NAA16: variants seen among roughly 807,000 people sequenced by gnomAD.
The protein encoded by NAA16 is NARG1-like protein.
NAA16 carries 97 observed loss-of-function variants against 110.3 expected under a neutral mutation model. That is an observed-to-expected ratio of 0.88 (90% CI 0.75 to 1.04). The LOEUF is 1.04. Ranked by LOEUF, NAA16 falls within the 50% of genes least tolerant of loss-of-function variation. NAA16 has a pLI of 0.00. For synonymous variants in NAA16, 372 were observed against 330.6 expected (o/e 1.13, Z -1.36); for missense variants, 1,017 against 1,005.1 (o/e 1.01, Z -0.16).
At chr13:41,345,795 A>C in intron 9 of NAA16, among the ~76,000 whole-genome samples, 1 of 152,164 alleles carries the variant, frequency 6.6e-6, no homozygotes, top group East Asian at 1.9e-4. Context: ...GCTGGTCTTA[A>C]ATTCCTGGAC....
intron 5 of NAA16, 57 bp from the exon 6 acceptor site, chr13:41,325,641 G>GTCTGTAAC: frequency 8.3e-7 from 1 of 1,198,510 alleles, no homozygotes; most frequent in Middle Eastern, 2.7e-4. Context: ...TTAATTAAAG[G>GTCTGTAAC]TCTGTAACTG....
chr13:41,368,479 G>C (rs2043250135), intron 14 of NAA16, among the ~76,000 whole-genome samples: 1 of 152,140 alleles, frequency 6.6e-6, no homozygotes, highest in Non-Finnish European at 1.5e-5. Flanking sequence ...TTTAGTTAAT[G>C]CAACATTTAC....
chr13:41,367,537 TA>T lies in NAA16; in HGVS notation c.1639del (p.Ile547TyrfsTer20), dbSNP rs1566299420. The stretch of plus-strand genomic sequence containing the variant: ...ATGTTGACCTTTTGAGATTAGAAGA[TA>T]TACTCAGAAGACATGCCTTTTATTT... ...AYVDLLRLED[I>X]LRRHAFYFKA... On this transcript the variant is annotated frameshift_variant, in exon 14 of 20. Transcript: ENST00000379406. LOFTEE classifies it high-confidence loss of function. 15 of 1,613,222 alleles carry T rather than the reference TA, an allele frequency of 9.3e-6. No homozygotes were observed. The highest frequency in any genetic ancestry group is 1.2e-5 in the Non-Finnish European group (14 of 1,179,600).
intron 13 of NAA16, among the ~76,000 whole-genome samples, chr13:41,364,845 T>C (rs941127690): frequency 7.2e-5 from 11 of 152,208 alleles, no homozygotes; most frequent in African/African-American, 2.7e-4. Flanking sequence ...GACCTAGTTA[T>C]TATTTTTTAA....
intron 1 of NAA16, among the ~76,000 whole-genome samples, chr13:41,311,910 C>G (rs568586136): frequency 1.3e-5 from 2 of 152,362 alleles, no homozygotes; most frequent in African/African-American, 4.8e-5. Flanking sequence ...TCTGCCGCGC[C>G]GGGCTCGCAG....
intron 15 of NAA16, 122 bp from the exon 16 acceptor site, chr13:41,372,081 T>G: frequency 3.8e-6 from 3 of 790,210 alleles, no homozygotes; most frequent in Non-Finnish European, 5.3e-6. Context: ...TGTTTTCTTG[T>G]TATTTGGTTT....
chr13:41,341,902 G>T (rs1461317979), intron 9 of NAA16, among the ~76,000 whole-genome samples: 1 of 148,824 alleles, frequency 6.7e-6, no homozygotes, highest in Non-Finnish European at 1.5e-5. Context: ...CGCAATCTCT[G>T]CTCACTGCAA....
intron 3 of NAA16, among the ~76,000 whole-genome samples, chr13:41,319,631 C>T (rs563610068): frequency 2.0e-5 from 3 of 152,218 alleles, no homozygotes; most frequent in African/African-American, 7.2e-5. Context: ...ATTCTCCCAC[C>T]TCAGCCTCCC....
rs548521687 is a variant in NAA16 at position 41,372,847 on chromosome 13, A to G, written c.2155+17A>G. ...CTAAATCTGGTAAGTATAAAAAAGGACCATATTTACATTTGTGAATTATTT... is the reference window on the plus strand; with the variant it reads ...CTAAATCTGGTAAGTATAAAAAAGGGCCATATTTACATTTGTGAATTATTT... On this transcript the variant is annotated intron_variant, in intron 17 of 19. Transcript: ENST00000379406. 5.1e-5 allele frequency: 77 copies of G among 1,510,012 alleles called. No homozygotes were observed. In the South Asian group the frequency reaches 9.2e-4, roughly 18 times the overall value. The allele number at this position is 1,510,012 out of a possible 1,614,324, so 93.5% of individuals were successfully genotyped here. A position where few individuals can be genotyped will look rare whatever the true frequency, so the allele number is the denominator to read the frequency against.
At chr13:41,315,449 A>C (rs974066054) in intron 1 of NAA16, among the ~76,000 whole-genome samples, 2 of 152,214 alleles carry the variant, frequency 1.3e-5, no homozygotes, top group Non-Finnish European at 2.9e-5. Flanking sequence ...GATGTTGCTT[A>C]TCCTTGCATT....
At chr13:41,361,704 C>T (rs4942042) in intron 12 of NAA16, among the ~76,000 whole-genome samples, 144,271 of 152,296 alleles carry the variant, frequency 0.95, 68,404 homozygotes, top group South Asian at 0.99. Flanking sequence ...ATTCACGTTC[C>T]GGGTGGGATA....
chr13:41,375,282 A>C, intron 19 of NAA16, 123 bp from the exon 20 acceptor site: 1 of 635,754 alleles, frequency 1.6e-6, no homozygotes, highest in Non-Finnish European at 2.6e-6. Context: ...TGTAGATTGT[A>C]AGGCATTATT....
chr13:41,350,439 G>A (rs1284437463), intron 9 of NAA16, among the ~76,000 whole-genome samples: 13 of 150,502 alleles, frequency 8.6e-5, no homozygotes, highest in African/African-American at 2.9e-4. Flanking sequence ...GACTACAGGC[G>A]CCCGCCACCA....
Position 41,311,502 on chromosome 13 carries a change from G to C in NAA16, c.-27G>C. Reference sequence around the variant, plus strand: ...CGCCCGGGCACCTAGCCTCCCTGCCGGCCACCTAGCCTCCCTGCCGGCCAC... The same window carrying C: ...CGCCCGGGCACCTAGCCTCCCTGCCCGCCACCTAGCCTCCCTGCCGGCCAC... On this transcript the variant is annotated 5_prime_UTR_variant, in exon 1 of 20. Transcript: ENST00000379406. 1.3e-6 allele frequency: 2 copies of C among 1,582,036 alleles called. No individual in the cohort carries two copies. The highest frequency in any genetic ancestry group is 1.7e-6 in the Non-Finnish European group (2 of 1,164,954).
chr13:41,348,092 TTATG>T (rs1010833874), intron 9 of NAA16, among the ~76,000 whole-genome samples: 6 of 152,314 alleles, frequency 3.9e-5, no homozygotes, highest in East Asian at 1.9e-4. Flanking sequence ...GTTAAGATGA[TTATG>T]TAGGTTTTTT....
At chr13:41,374,655 A>C (rs965801725) in intron 18 of NAA16, 87 bp from the exon 19 acceptor site, 72 of 882,012 alleles carry the variant, frequency 8.2e-5, no homozygotes, top group Non-Finnish European at 1.1e-4. Context: ...AACACTTAAA[A>C]CCATATTTGA....
At chr13:41,373,344 A>T (rs139528575) in intron 17 of NAA16, 12,347 of 357,436 alleles carry the variant, frequency 0.035, 1,525 homozygotes, top group African/African-American at 0.26. Flanking sequence ...TGCAACCTCC[A>T]CCTCCCGGGT....
At chr13:41,370,155 A>G (rs2043287802) in intron 15 of NAA16, among the ~76,000 whole-genome samples, 1 of 152,188 alleles carries the variant, frequency 6.6e-6, no homozygotes, top group African/African-American at 2.4e-5. Flanking sequence ...TTTGAACAAC[A>G]TAGGTTTGAA....
At chr13:41,346,039 T>C (rs1395611459) in intron 9 of NAA16, among the ~76,000 whole-genome samples, 2 of 152,376 alleles carry the variant, frequency 1.3e-5, no homozygotes, top group Middle Eastern at 3.4e-3. Flanking sequence ...TTTTTCCTTT[T>C]GTTACTCATG....
Sources: allele counts gnomAD v4.1 joint callset (sites outside exome capture counted in the v4.1 genomes callset), GRCh38; gene constraint gnomAD v4.1.1; transcripts MANE v1.5; gene names NCBI Gene and HGNC (gene_info 2026-07-23, HGNC 2026-07-21).